XRCC4: variants seen among roughly 807,000 people sequenced by gnomAD.
XRCC4 encodes the protein X-ray repair cross complementing 4.
A neutral mutation model predicts 39.1 loss-of-function variants in XRCC4; 28 were observed. That is an observed-to-expected ratio of 0.72 (90% CI 0.53 to 0.98). The LOEUF (loss-of-function observed/expected upper bound fraction) is 0.98, where lower values mean the gene tolerates loss of function less well. XRCC4 is among the 50% of genes least tolerant of loss of function. The pLI is 0.00. For missense variants in XRCC4, 350 were observed against 376.4 expected (o/e 0.93, Z 0.58); for synonymous variants, 123 against 126.4 (o/e 0.97, Z 0.18).
intron 6 of XRCC4, among the ~76,000 whole-genome samples, chr5:83,236,080 A>T (rs911130696): frequency 2.6e-5 from 4 of 152,170 alleles, no homozygotes; most frequent in Non-Finnish European, 5.9e-5. Context: ...TCCACAAAAA[A>T]ATGGAAAGAT....
chr5:83,355,839 T>C (rs1757184025), downstream of XRCC4, among the ~76,000 whole-genome samples: 1 of 152,218 alleles, frequency 6.6e-6, no homozygotes, highest in Admixed American at 6.5e-5. Context: ...GGTTTGGCCA[T>C]GTTGGCCAGG....
the XRCC4 span, among the ~76,000 whole-genome samples, chr5:83,366,574 G>A: frequency 1.3e-5 from 2 of 151,948 alleles, no homozygotes; most frequent in African/African-American, 4.8e-5. Context: ...GCTTTTCCAT[G>A]CCTTCTTGGC....
At chr5:83,173,558 AAAG>A (rs1463478133) in intron 3 of XRCC4, among the ~76,000 whole-genome samples, 1 of 152,156 alleles carries the variant, frequency 6.6e-6, no homozygotes, top group African/African-American at 2.4e-5. Flanking sequence ...CTAAAATCAT[AAAG>A]AAGAGATCAC....
chr5:83,156,959 G>A (rs1212491482), intron 3 of XRCC4, among the ~76,000 whole-genome samples: 1 of 151,956 alleles, frequency 6.6e-6, no homozygotes, highest in Non-Finnish European at 1.5e-5. Flanking sequence ...GCTTGTAAGG[G>A]ACACTTAGAC....
chr5:83,302,079 A>AGAT (rs1194134295), intron 7 of XRCC4, among the ~76,000 whole-genome samples: 8 of 152,246 alleles, frequency 5.3e-5, no homozygotes, highest in African/African-American at 1.9e-4. Flanking sequence ...CGAGCGTCCC[A>AGAT]GATGGACTTC....
chr5:83,314,311 T>A (rs1238403432), intron 7 of XRCC4, among the ~76,000 whole-genome samples: 1 of 152,178 alleles, frequency 6.6e-6, no homozygotes, highest in Non-Finnish European at 1.5e-5. Flanking sequence ...TGTTGCCTAG[T>A]TAAAGAAAAC....
At chr5:83,346,962 C>G (rs1756934759) in intron 7 of XRCC4, among the ~76,000 whole-genome samples, 1 of 151,946 alleles carries the variant, frequency 6.6e-6, no homozygotes, top group Non-Finnish European at 1.5e-5. Context: ...AATTATACCT[C>G]TAAGCGTGAT....
intron 6 of XRCC4, among the ~76,000 whole-genome samples, chr5:83,210,503 G>A (rs928649953): frequency 6.6e-6 from 1 of 152,014 alleles, no homozygotes; most frequent in Non-Finnish European, 1.5e-5. Flanking sequence ...GATTAAGTAC[G>A]TTACTTTTGG....
intron 6 of XRCC4, among the ~76,000 whole-genome samples, chr5:83,242,138 G>A (rs955396844): frequency 1.3e-5 from 2 of 150,254 alleles, no homozygotes; most frequent in South Asian, 4.2e-4. Context: ...AATCCATGTT[G>A]CCCAAGGGTC....
chr5:83,277,020 A>T (rs1420573752), intron 7 of XRCC4, among the ~76,000 whole-genome samples: 1 of 152,280 alleles, frequency 6.6e-6, no homozygotes, highest in East Asian at 1.9e-4. Flanking sequence ...AAGTTCTAAG[A>T]GGACATAATT....
chr5:83,183,446 GT>G (rs1294259492), intron 3 of XRCC4, among the ~76,000 whole-genome samples: 12 of 146,156 alleles, frequency 8.2e-5, no homozygotes, highest in African/African-American at 3.2e-4. Flanking sequence ...GTGTGTGTGT[GT>G]GTGTGTGGCA....
chr5:83,221,372 G>GTTC (rs1199444642), intron 6 of XRCC4, among the ~76,000 whole-genome samples: 1 of 152,024 alleles, frequency 6.6e-6, no homozygotes, highest in Non-Finnish European at 1.5e-5. Flanking sequence ...CTTCCTAAGG[G>GTTC]TAAGCTGTCT....
intron 3 of XRCC4, among the ~76,000 whole-genome samples, chr5:83,134,871 A>C (rs1308525122): frequency 2.0e-5 from 3 of 152,108 alleles, no homozygotes; most frequent in Admixed American, 1.3e-4. Flanking sequence ...AACTCTGGAC[A>C]CGCCACCTTG....
chr5:83,252,601 T>C (rs976351553), intron 6 of XRCC4, among the ~76,000 whole-genome samples: 7 of 152,172 alleles, frequency 4.6e-5, no homozygotes, highest in Non-Finnish European at 8.8e-5. Flanking sequence ...TTTAAAAATA[T>C]TTGTAAATAT....
At chr5:83,161,169 G>A (rs111578632) in intron 3 of XRCC4, among the ~76,000 whole-genome samples, 9,500 of 150,832 alleles carry the variant, frequency 0.063, 496 homozygotes, top group African/African-American at 0.14. Context: ...GGAGTGCAGT[G>A]GTGTGATTTC....
At chr5:83,121,829 A>T (rs1747025468) in intron 3 of XRCC4, among the ~76,000 whole-genome samples, 1 of 152,110 alleles carries the variant, frequency 6.6e-6, no homozygotes, top group Non-Finnish European at 1.5e-5. Flanking sequence ...TAGATTTTAC[A>T]TTTAGAGTCT....
chr5:83,134,972 A>T (rs947315766), intron 3 of XRCC4, among the ~76,000 whole-genome samples: 1 of 152,154 alleles, frequency 6.6e-6, no homozygotes, highest in Non-Finnish European at 1.5e-5. Flanking sequence ...TACTCCGGAC[A>T]CATCTGAACA....
At chr5:83,342,469 T>C (rs1756791381) in intron 7 of XRCC4, among the ~76,000 whole-genome samples, 1 of 152,184 alleles carries the variant, frequency 6.6e-6, no homozygotes, top group Non-Finnish European at 1.5e-5. Flanking sequence ...ATTCTGCTGA[T>C]TTTATTTCCA....
At chr5:83,195,681 T>TA in intron 3 of XRCC4, 89 bp from the exon 4 acceptor site, 1 of 1,242,952 alleles carries the variant, frequency 8.0e-7, no homozygotes, top group Non-Finnish European at 1.1e-6. Flanking sequence ...TACACTTTTT[T>TA]ATTCTCAGAA....
Sources: gnomAD v4.1 joint callset for allele counts (sites outside exome capture counted in the v4.1 genomes callset) on GRCh38, gnomAD v4.1.1 for gene constraint, MANE v1.5 for transcripts, NCBI Gene and HGNC (gene_info 2026-07-23, HGNC 2026-07-21) for gene names.